NCAPD3: variants seen among roughly 807,000 people sequenced by gnomAD.
The protein encoded by NCAPD3 is non-SMC condensin II complex subunit D3, also known as condensin-2 complex subunit D3.
A neutral mutation model predicts 182.9 loss-of-function variants in NCAPD3; 105 were observed. That is an observed-to-expected ratio of 0.57 (90% CI 0.49 to 0.68). The LOEUF is 0.68. Among genes scored for constraint, NCAPD3 ranks in the 30% least tolerant of loss-of-function variants. The pLI, the probability that NCAPD3 is intolerant of heterozygous loss-of-function variation, is 0.00. For missense variants in NCAPD3, 1,944 were observed against 1,837.0 expected (o/e 1.06, Z -1.07); for synonymous variants, 815 against 679.9 (o/e 1.20, Z -3.09).
chr11:134,223,409 T>C (rs1334777189), intron 1 of NCAPD3: 3 of 702,314 alleles, frequency 4.3e-6, no homozygotes, highest in Non-Finnish European at 7.8e-6. Context: ...ATGGTGCCAT[T>C]AGCAGGCTTT....
intron 7 of NCAPD3, 131 bp from the exon 8 acceptor site, chr11:134,206,863 A>G: frequency 1.2e-6 from 1 of 808,154 alleles, no homozygotes. Flanking sequence ...TTGCTGGCTG[A>G]ACACTAGGGA....
chr11:134,157,515 C>T (rs1277240121), intron 31 of NCAPD3, among the ~76,000 whole-genome samples: 4 of 152,322 alleles, frequency 2.6e-5, no homozygotes, highest in Non-Finnish European at 5.9e-5. Context: ...GTTATTTCCA[C>T]AGCCACAATG....
intron 24 of NCAPD3, among the ~76,000 whole-genome samples, chr11:134,172,210 C>T (rs1230033196): frequency 6.6e-6 from 1 of 152,178 alleles, no homozygotes; most frequent in Non-Finnish European, 1.5e-5. Context: ...CCCAGTTTTG[C>T]TCTCCATTCC....
intron 15 of NCAPD3, among the ~76,000 whole-genome samples, chr11:134,193,748 T>A (rs561896432): frequency 6.6e-4 from 100 of 152,190 alleles, no homozygotes; most frequent in Non-Finnish European, 1.1e-3. Context: ...AGCAGGACTC[T>A]GTCTCAAAAA....
chr11:134,188,802 G>A (rs865851900), intron 16 of NCAPD3, among the ~76,000 whole-genome samples: 6 of 152,154 alleles, frequency 3.9e-5, no homozygotes, highest in Non-Finnish European at 5.9e-5. Context: ...TGAAGTCAGC[G>A]AGACCAAGAA....
chr11:134,169,372 G>T (rs890104565), intron 24 of NCAPD3, among the ~76,000 whole-genome samples: 1 of 152,210 alleles, frequency 6.6e-6, no homozygotes, highest in African/African-American at 2.4e-5. Flanking sequence ...CCCCAAAGCT[G>T]CTTCTGCAAT....
At chr11:134,188,353 C>A (rs866644494) in intron 16 of NCAPD3, among the ~76,000 whole-genome samples, 1 of 152,290 alleles carries the variant, frequency 6.6e-6, no homozygotes, top group East Asian at 1.9e-4. Flanking sequence ...GTAAAATGGA[C>A]CAATTAGCAG....
rs565592280 is a variant in NCAPD3, at chr11:134,167,845, TG to T, written c.3573+150del. The T allele has an allele frequency of 4.4e-4, 320 of 729,150 alleles. 1 individual carries two copies. The African/African-American group carries it at 6.9e-3, about 16-fold the overall frequency. The allele number at this position is 729,150 out of a possible 1,614,324, so 45.2% of individuals were successfully genotyped here. On this transcript the variant is annotated intron_variant, in intron 27 of 34. Coordinates refer to ENST00000534548, the MANE Select transcript of NCAPD3 (RefSeq NM_015261.3). The stretch of plus-strand genomic sequence containing the variant: ...AGCACACTCACTTGTGAGATGAGCT[TG>T]GGGGAGCAGCACACTCGTGAGATGA...
rs115907916 is a variant in NCAPD3, at chr11:134,176,275, G to C, written c.3101+32C>G. On this transcript the variant is annotated intron_variant, in intron 24 of 34. Transcript: ENST00000534548. ...GCATACATCAGAAATGAGGTAAACTGTTGAGTCGTCTGACGTGAGGAAAAG... is the reference window on the plus strand; with the variant it reads ...GCATACATCAGAAATGAGGTAAACTCTTGAGTCGTCTGACGTGAGGAAAAG... 2.6e-3 allele frequency: 4,142 copies of C among 1,577,944 alleles called. 81 individuals are homozygous for C. In the African/African-American group the frequency reaches 0.045, roughly 17 times the overall value.
intron 30 of NCAPD3, 76 bp downstream of exon 30, chr11:134,158,253 T>C: frequency 6.3e-7 from 1 of 1,577,706 alleles, no homozygotes; most frequent in Non-Finnish European, 8.7e-7. Context: ...CTGCCCACGC[T>C]TGGGAATGGC....
At chr11:134,225,137 C>T (rs1446967007), upstream of NCAPD3, 2 of 1,609,246 alleles carry the variant, frequency 1.2e-6, no homozygotes, top group Non-Finnish European at 1.7e-6. Flanking sequence ...GCTTCTTCGG[C>T]TTCGGGCAGA....
At chr11:134,212,422 C>A (rs574067106) in intron 3 of NCAPD3, among the ~76,000 whole-genome samples, 1 of 125,772 alleles carries the variant, frequency 8.0e-6, no homozygotes, top group African/African-American at 3.3e-5. Context: ...CCACTGGAGT[C>A]TGGATCTGTT....
chr11:134,162,148 T>C (rs1189356555), intron 27 of NCAPD3, among the ~76,000 whole-genome samples: 6 of 152,280 alleles, frequency 3.9e-5, no homozygotes, highest in Admixed American at 2.0e-4. Flanking sequence ...GGAAAAAGAA[T>C]TAGAAACATG....
At chr11:134,169,537 G>A (rs1276753554) in intron 24 of NCAPD3, among the ~76,000 whole-genome samples, 2 of 152,184 alleles carry the variant, frequency 1.3e-5, no homozygotes, top group African/African-American at 2.4e-5. Flanking sequence ...AAGGATTAAT[G>A]ACAAGAGCTT....
Position 134,186,452 on chromosome 11 carries a change from A to G in NCAPD3, c.2046-926T>C, listed in dbSNP as rs181976820. Among the ~76,000 whole-genome samples, 15 of 152,322 alleles carry G rather than the reference A, an allele frequency of 9.8e-5. No homozygotes were observed. The East Asian group carries it at 2.9e-3, about 29-fold the overall frequency. ...GGTCTTGAACTTCTGGGCTCAAGCC[A>G]TCCTCCTGTCTTGGCCTTCCAAAGT... On this transcript the variant is annotated intron_variant, in intron 16 of 34. Coordinates refer to ENST00000534548, the MANE Select transcript of NCAPD3 (RefSeq NM_015261.3).
At chr11:134,168,624 T>C (rs767392645) in intron 25 of NCAPD3, 22 bp from the exon 26 acceptor site, 2 of 1,613,592 alleles carry the variant, frequency 1.2e-6, no homozygotes, top group Non-Finnish European at 8.5e-7. Context: ...CGGGACAAGT[T>C]CACTGCATCA....
intron 19 of NCAPD3, chr11:134,182,975 T>G (rs748513933): frequency 2.4e-5 from 9 of 382,750 alleles, no homozygotes; most frequent in Non-Finnish European, 4.6e-5. Context: ...GCTAATGCAG[T>G]AGTAAGCCCC....
intron 13 of NCAPD3, among the ~76,000 whole-genome samples, chr11:134,195,448 A>G (rs1944608229): frequency 1.3e-5 from 2 of 152,216 alleles, no homozygotes; most frequent in South Asian, 2.1e-4. Context: ...TAAAGAGATT[A>G]TATCTTTTAA....
intron 20 of NCAPD3, among the ~76,000 whole-genome samples, 185 bp from the exon 21 acceptor site, chr11:134,179,121 A>G (rs1190645950): frequency 1.3e-5 from 2 of 152,192 alleles, no homozygotes; most frequent in Admixed American, 1.3e-4. Context: ...AAACTCATCC[A>G]AAATTAGGGC....
Sources: gnomAD v4.1 joint callset for allele counts (sites outside exome capture counted in the v4.1 genomes callset) on GRCh38, gnomAD v4.1.1 for gene constraint, MANE v1.5 for transcripts, NCBI Gene and HGNC (gene_info 2026-07-23, HGNC 2026-07-21) for gene names.